Variants in FUT8 observed in about 807,000 individuals in gnomAD.
FUT8 encodes the protein alpha-(1,6)-fucosyltransferase.
In FUT8, 29 loss-of-function variants were observed where a neutral mutation model predicts 71.3. The observed-to-expected ratio is 0.41, with a 90% CI of 0.30 to 0.55. FUT8 has a LOEUF of 0.55. Ranked by LOEUF, FUT8 falls within the 20% of genes least tolerant of loss-of-function variation. FUT8 has a pLI of 0.34. For missense variants in FUT8, 544 were observed against 702.1 expected (o/e 0.77, Z 2.55); for synonymous variants, 254 against 239.3 (o/e 1.06, Z -0.57).
chr14:65,729,034 G>GTTTTT (rs557668131), intron 9 of FUT8, among the ~76,000 whole-genome samples: 168 of 103,624 alleles, frequency 1.6e-3, no homozygotes, highest in Middle Eastern at 5.2e-3. Flanking sequence ...TTGTAAACAT[G>GTTTTT]TTTTTTTTTT....
chr14:65,582,261 A>G (rs975818409), intron 3 of FUT8, among the ~76,000 whole-genome samples: 6 of 152,116 alleles, frequency 3.9e-5, no homozygotes, highest in Non-Finnish European at 7.4e-5. Flanking sequence ...TTTTAAATTT[A>G]TATATTTTTT....
intron 1 of FUT8, chr14:65,430,306 AG>A (rs1363426448): frequency 1.4e-4 from 21 of 152,196 alleles, no homozygotes; most frequent in African/African-American, 4.8e-4. Flanking sequence ...TTGGGATTAC[AG>A]GGGTAAGCCA....
intron 7 of FUT8, among the ~76,000 whole-genome samples, chr14:65,718,858 AT>A (rs1454522334): frequency 6.6e-6 from 1 of 151,862 alleles, no homozygotes; most frequent in Non-Finnish European, 1.5e-5. Context: ...ATGGTATGTT[AT>A]TTATTTTTTC....
Position 65,680,721 on chromosome 14 carries a change from T to A in FUT8, c.835+11241T>A, listed in dbSNP as rs144726705. ...TCTATGGAAAAATTATTTCAGTATC[T>A]CCTCTGCTCTCAGAATCCTTCTCTT... is the stretch of plus-strand genomic sequence containing the variant. On this transcript the variant is annotated intron_variant, in intron 7 of 10. Transcript: ENST00000673929. Among the ~76,000 whole-genome samples the A allele has an allele frequency of 1.0e-3, 156 of 152,314 alleles. 1 individual carries two copies. Among genetic ancestry groups the A allele is most frequent in the African/African-American group, 3.6e-3 (149 of 41,572 alleles).
At chr14:65,711,676 C>A in intron 7 of FUT8, among the ~76,000 whole-genome samples, 1 of 152,080 alleles carries the variant, frequency 6.6e-6, no homozygotes, top group Admixed American at 6.5e-5. Flanking sequence ...ATTATAGTTT[C>A]TTGTCTGATA....
At chr14:65,371,858 G>A in the FUT8 span, among the ~76,000 whole-genome samples, 1 of 152,126 alleles carries the variant, frequency 6.6e-6, no homozygotes, top group Non-Finnish European at 1.5e-5. Flanking sequence ...TGTTACTATT[G>A]AGGCATCACT....
intron 1 of FUT8, among the ~76,000 whole-genome samples, chr14:65,441,239 G>A (rs577733874): frequency 2.8e-4 from 42 of 152,190 alleles, no homozygotes; most frequent in Non-Finnish European, 3.8e-4. Flanking sequence ...TGTAGAGGAT[G>A]TTTGTGGAGT....
intron 6 of FUT8, among the ~76,000 whole-genome samples, chr14:65,661,604 G>T (rs1359248686): frequency 6.6e-6 from 1 of 151,972 alleles, no homozygotes; most frequent in East Asian, 1.9e-4. Flanking sequence ...TGCTTTTATT[G>T]GTGTGTAGGA....
At chr14:65,651,330 C>T (rs902257023) in intron 6 of FUT8, among the ~76,000 whole-genome samples, 1 of 152,204 alleles carries the variant, frequency 6.6e-6, no homozygotes, top group Admixed American at 6.5e-5. Context: ...TCAGACTGGC[C>T]TCTGGGTAGC....
At chr14:65,377,200 A>G in the FUT8 span, among the ~76,000 whole-genome samples, 34 of 152,144 alleles carry the variant, frequency 2.2e-4, 1 homozygote, top group Non-Finnish European at 1.0e-4. Flanking sequence ...GACAATATGA[A>G]AAGCTTCTAG....
At chr14:65,703,037 G>A (rs575708172) in intron 7 of FUT8, among the ~76,000 whole-genome samples, 17 of 152,200 alleles carry the variant, frequency 1.1e-4, no homozygotes, top group Non-Finnish European at 1.8e-4. Flanking sequence ...TAGCCACTGC[G>A]CCCGGCCTAG....
In FUT8 at chr14:65,627,648, T is replaced by C. The variant is rs1187051337; in HGVS notation, c.483-1844T>C. On this transcript the variant is annotated intron_variant, in intron 5 of 10. Transcript: ENST00000673929. This position sits in a 1 kb window ranked among gnomAD's most constrained non-coding sequence, Gnocchi z 4.0. The stretch of plus-strand genomic sequence containing the variant: ...TTACTGAAGTTGTGCACATGCTCAT[T>C]TGAGGCTTTTTTTCCTTACCAGTTG... Among the ~76,000 whole-genome samples the C allele has an allele frequency of 6.6e-6, 1 of 152,250 alleles. No individual in the cohort carries two copies. Among genetic ancestry groups the C allele is most frequent in the East Asian group, 1.9e-4 (1 of 5,204 alleles).
At chr14:65,708,798 A>C (rs1021358805) in intron 7 of FUT8, among the ~76,000 whole-genome samples, 3 of 152,126 alleles carry the variant, frequency 2.0e-5, no homozygotes, top group Non-Finnish European at 4.4e-5. Context: ...CGTTGATCTC[A>C]TAGGAAGAGT....
At chr14:65,524,222 A>G (rs1200477243) in intron 2 of FUT8, among the ~76,000 whole-genome samples, 1 of 152,166 alleles carries the variant, frequency 6.6e-6, no homozygotes, top group Non-Finnish European at 1.5e-5. Flanking sequence ...ATGTTCTTCC[A>G]TTTGTTTATG....
chr14:65,631,739 A>G (rs1890191223), intron 6 of FUT8, among the ~76,000 whole-genome samples: 1 of 151,994 alleles, frequency 6.6e-6, no homozygotes, highest in South Asian at 2.1e-4. Context: ...GTTGGAGTAC[A>G]GGTGGTATTT....
At chr14:65,457,617 T>C (rs1373398998) in intron 2 of FUT8, among the ~76,000 whole-genome samples, 1 of 152,086 alleles carries the variant, frequency 6.6e-6, no homozygotes, top group African/African-American at 2.4e-5. Context: ...TTTTAAGGGC[T>C]CACAACACTA....
chr14:65,683,564 TAAAG>T (rs1893139022), intron 7 of FUT8, among the ~76,000 whole-genome samples: 1 of 152,164 alleles, frequency 6.6e-6, no homozygotes, highest in African/African-American at 2.4e-5. Context: ...ATTTTGTAAA[TAAAG>T]CACACAGAAA....
the FUT8 span, among the ~76,000 whole-genome samples, chr14:65,391,357 C>CT: frequency 1.6e-4 from 24 of 152,166 alleles, no homozygotes; most frequent in Non-Finnish European, 5.9e-5. Context: ...GAGATGCTAA[C>CT]TTTTTTGTTT....
At chr14:65,590,028 A>G (rs979544048) in intron 3 of FUT8, among the ~76,000 whole-genome samples, 1 of 152,158 alleles carries the variant, frequency 6.6e-6, no homozygotes, top group Non-Finnish European at 1.5e-5. Context: ...TTTCAAAGAT[A>G]TCCTCCCTAT....
Sources: allele counts gnomAD v4.1 joint callset (sites outside exome capture counted in the v4.1 genomes callset), GRCh38; gene constraint gnomAD v4.1.1; non-coding constraint Gnocchi (gnomAD v3.1); transcripts MANE v1.5; gene names NCBI Gene and HGNC (gene_info 2026-07-23, HGNC 2026-07-21).